Variants in VPS13A observed in about 807,000 individuals in gnomAD.
VPS13A encodes vacuolar protein sorting 13 homolog A.
A neutral mutation model predicts 390.9 loss-of-function variants in VPS13A; 264 were observed. That is an observed-to-expected ratio of 0.68 (90% confidence interval 0.61 to 0.75). The LOEUF (loss-of-function observed/expected upper bound fraction) is 0.75, where lower values mean the gene tolerates loss of function less well. VPS13A is among the 30% of genes least tolerant of loss of function. The pLI, the probability that VPS13A is intolerant of heterozygous loss-of-function variation, is 0.00. For synonymous variants in VPS13A, 1,231 were observed against 1,227.1 expected, an observed-to-expected ratio of 1.00 and a Z score of -0.07; for missense variants, 3,409 against 3,733.9, an observed-to-expected ratio of 0.91 and a Z score of 2.27.
In VPS13A at chr9:77,353,640, AG is replaced by A; in HGVS notation, c.7652+1del. ...KQEVAYIGIT[S>X]SDVVWETKPK... ...AGAAGTAGCCTATATAGGCATTACAAGGTTAGATGCATTAAATTTTGGATAC... is the reference window on the plus strand; with the variant it reads ...AGAAGTAGCCTATATAGGCATTACAAGTTAGATGCATTAAATTTTGGATAC... On this transcript the variant is annotated frameshift_variant and splice_region_variant, in exon 54 of 72. Coordinates refer to ENST00000360280, the MANE Select transcript of VPS13A (RefSeq NM_033305.3). LOFTEE classifies it high-confidence loss of function. The A allele has an allele frequency of 6.2e-7, 1 of 1,610,408 alleles. No homozygotes were observed. The highest frequency in any genetic ancestry group is 8.5e-7 in the Non-Finnish European group (1 of 1,176,980).
intron 50 of VPS13A, among the ~76,000 whole-genome samples, chr9:77,343,654 C>T (rs940107296): frequency 3.9e-5 from 6 of 152,224 alleles, no homozygotes; most frequent in African/African-American, 1.4e-4. Flanking sequence ...TTCTTTCCTA[C>T]TCTGAACTTT....
At chr9:77,290,543 G>A (rs982959326) in intron 31 of VPS13A, among the ~76,000 whole-genome samples, 1 of 148,686 alleles carries the variant, frequency 6.7e-6, no homozygotes. Context: ...CTTTTTCCCT[G>A]TTCCTCTTCT....
At chr9:77,256,391 C>T (rs542063305) in intron 22 of VPS13A, among the ~76,000 whole-genome samples, 12 of 151,956 alleles carry the variant, frequency 7.9e-5, no homozygotes, top group Non-Finnish European at 1.0e-4. Context: ...CATTTTTTGA[C>T]GCTTGGTTTT....
chr9:77,400,652 G>T (rs1159579717), intron 68 of VPS13A, among the ~76,000 whole-genome samples: 1 of 151,234 alleles, frequency 6.6e-6, no homozygotes, highest in Admixed American at 6.6e-5. Context: ...GTGAAACCCC[G>T]TCTCTACTAA....
intron 11 of VPS13A, 38 bp from the exon 12 acceptor site, chr9:77,220,238 AT>A (rs1564640083): frequency 6.4e-6 from 10 of 1,572,742 alleles, no homozygotes; most frequent in South Asian, 3.4e-5. Context: ...GAACAAAAAA[AT>A]GTGATACATT....
chr9:77,280,021 C>G (rs1826923326), intron 26 of VPS13A, 138 bp from the exon 27 acceptor site: 1 of 603,946 alleles, frequency 1.7e-6, no homozygotes. Flanking sequence ...AGTAACTTGA[C>G]TTGGGTGAGG....
At chr9:77,410,781 C>A (rs1834882293) in intron 71 of VPS13A, among the ~76,000 whole-genome samples, 1 of 152,080 alleles carries the variant, frequency 6.6e-6, no homozygotes, top group Non-Finnish European at 1.5e-5. Flanking sequence ...CAGGAGCACC[C>A]AGATTCATAA....
At chr9:77,313,897 C>T (rs1829233557) in intron 35 of VPS13A, 95 bp from the exon 36 acceptor site, 1 of 1,293,144 alleles carries the variant, frequency 7.7e-7, no homozygotes, top group South Asian at 1.3e-5. Context: ...TTTACTATAC[C>T]TGTTTAATAA....
intron 13 of VPS13A, among the ~76,000 whole-genome samples, chr9:77,224,733 A>G (rs982264441): frequency 2.6e-5 from 4 of 152,258 alleles, no homozygotes; most frequent in African/African-American, 9.6e-5. Context: ...AGAAATTTAC[A>G]TAAAATTAGT....
intron 27 of VPS13A, among the ~76,000 whole-genome samples, chr9:77,280,465 C>T (rs1826953808): frequency 6.6e-6 from 1 of 151,744 alleles, no homozygotes; most frequent in South Asian, 2.1e-4. Context: ...TAGAAATGAC[C>T]TGGAGTTTGA....
Position 77,210,160 on chromosome 9 carries a change from C to CCTCTCTCT in VPS13A, c.496-439_496-432dup, listed in dbSNP as rs150244384. Among the ~76,000 whole-genome samples, 74 of 107,508 alleles carry CCTCTCTCT rather than the reference C, an allele frequency of 6.9e-4. 1 individual carries two copies. The highest frequency in any genetic ancestry group is 1.2e-3 in the Admixed American group (11 of 9,408). The allele number at this position is 107,508 out of a possible 152,430, so 70.5% of individuals were successfully genotyped here. ...CTCCCTCCCTTCCTCCCCCCACCTC[C>CCTCTCTCT]CTCTCTCTCTCTCTCTCTCTCTCTT... On this transcript the variant is annotated intron_variant, in intron 6 of 71. Coordinates refer to ENST00000360280, the MANE Select transcript of VPS13A (RefSeq NM_033305.3).
intron 71 of VPS13A, among the ~76,000 whole-genome samples, chr9:77,410,746 A>T (rs1215082894): frequency 6.6e-6 from 1 of 152,196 alleles, no homozygotes; most frequent in Non-Finnish European, 1.5e-5. Flanking sequence ...AGAGCTAACT[A>T]TCCTAAATAT....
intron 1 of VPS13A, among the ~76,000 whole-genome samples, chr9:77,183,109 A>G (rs1006975789): frequency 1.3e-5 from 2 of 152,206 alleles, no homozygotes; most frequent in African/African-American, 4.8e-5. Flanking sequence ...AACTTTAAAG[A>G]CTATGAAACA....
chr9:77,354,749 A>G (rs1831665865), intron 54 of VPS13A, among the ~76,000 whole-genome samples: 1 of 151,988 alleles, frequency 6.6e-6, no homozygotes, highest in African/African-American at 2.4e-5. Flanking sequence ...CTTGCATTCC[A>G]CTTCACTGAA....
At chr9:77,395,163 C>A (rs1834070566) in intron 68 of VPS13A, among the ~76,000 whole-genome samples, 2 of 152,188 alleles carry the variant, frequency 1.3e-5, no homozygotes, top group Admixed American at 1.3e-4. Flanking sequence ...TCTCACTAAG[C>A]TTGGTCGTTT....
In VPS13A at chr9:77,356,702, T is replaced by C. The variant is rs1371163575; in HGVS notation, c.7653-12T>C. ...AGTATTAAATACTATGATTTTTGCT[T>C]TCTTAAATAAGTTCTGATGTGGTTT... On this transcript the variant is annotated splice_polypyrimidine_tract_variant and intron_variant, in intron 54 of 71. Coordinates refer to ENST00000360280, the MANE Select transcript of VPS13A (RefSeq NM_033305.3). The C allele has an allele frequency of 1.3e-6, 2 of 1,599,820 alleles. No homozygotes were observed. The highest frequency in any genetic ancestry group is 1.7e-5 in the Admixed American group (1 of 58,826).
At chr9:77,276,975 C>T (rs1183949662) in intron 26 of VPS13A, among the ~76,000 whole-genome samples, 4 of 152,042 alleles carry the variant, frequency 2.6e-5, no homozygotes, top group South Asian at 4.1e-4. Flanking sequence ...TCTCAGATTC[C>T]GGGGGATTAG....
chr9:77,352,215 T>G (rs950022285), intron 53 of VPS13A, among the ~76,000 whole-genome samples: 5 of 152,254 alleles, frequency 3.3e-5, no homozygotes, highest in African/African-American at 7.2e-5. Flanking sequence ...AGTGGCAAGC[T>G]ATGATGATAA....
intron 1 of VPS13A, among the ~76,000 whole-genome samples, chr9:77,181,799 A>G (rs919896088): frequency 2.0e-5 from 3 of 152,294 alleles, no homozygotes; most frequent in Admixed American, 6.5e-5. Context: ...TATATGAATG[A>G]GGACTTTTCC....
Sources: allele counts gnomAD v4.1 joint callset (sites outside exome capture counted in the v4.1 genomes callset), GRCh38; gene constraint gnomAD v4.1.1; transcripts MANE v1.5; gene names NCBI Gene and HGNC (gene_info 2026-07-23, HGNC 2026-07-21).